AGPAT5: variants seen among roughly 807,000 people sequenced by gnomAD.
AGPAT5 encodes 1-acyl-sn-glycerol-3-phosphate acyltransferase epsilon.
In AGPAT5, 46 loss-of-function variants were observed where a neutral mutation model predicts 45.6. That is an observed-to-expected ratio of 1.01 (90% CI 0.80 to 1.29). The LOEUF is 1.29. Ranked by LOEUF, AGPAT5 falls within the 50% of genes most tolerant of loss-of-function variation. The pLI is 0.00. For missense variants in AGPAT5, 673 were observed against 450.7 expected, an observed-to-expected ratio of 1.49 and a Z score of -4.47; for synonymous variants, 272 against 167.0, an observed-to-expected ratio of 1.63 and a Z score of -4.85.
chr8:6,729,767 T>C (rs1800802541), intron 2 of AGPAT5, among the ~76,000 whole-genome samples: 1 of 152,244 alleles, frequency 6.6e-6, no homozygotes, highest in African/African-American at 2.4e-5. Context: ...CTAGGAAGTT[T>C]TTTATTGCTA....
intron 4 of AGPAT5, among the ~76,000 whole-genome samples, chr8:6,735,544 C>T (rs981068233): frequency 6.6e-5 from 10 of 152,184 alleles, no homozygotes; most frequent in Admixed American, 1.3e-4. Flanking sequence ...GTTACATTGG[C>T]CCCCAACTAA....
chr8:6,735,887 G>A (rs1407921330), intron 4 of AGPAT5, among the ~76,000 whole-genome samples: 1 of 126,614 alleles, frequency 7.9e-6, no homozygotes, highest in African/African-American at 3.1e-5. Flanking sequence ...TGGAGTCTCG[G>A]TCTGTCACCC....
At chr8:6,710,521 C>G (rs186761438) in intron 1 of AGPAT5, among the ~76,000 whole-genome samples, 1 of 152,274 alleles carries the variant, frequency 6.6e-6, no homozygotes, top group East Asian at 1.9e-4. Context: ...TGATTGCCCA[C>G]TGATCATCAA....
chr8:6,724,024 T>C (rs1207255689), intron 1 of AGPAT5, among the ~76,000 whole-genome samples: 1 of 152,218 alleles, frequency 6.6e-6, no homozygotes, highest in Non-Finnish European at 1.5e-5. Flanking sequence ...CTTTTAAGTC[T>C]TTACAAGTAT....
At chr8:6,712,116 T>A (rs2116845851) in intron 1 of AGPAT5, among the ~76,000 whole-genome samples, 1 of 152,314 alleles carries the variant, frequency 6.6e-6, no homozygotes, top group South Asian at 2.1e-4. Context: ...CCTTATTTCT[T>A]TAGGTATTTA....
At chr8:6,714,738 A>G (rs539895145) in intron 1 of AGPAT5, among the ~76,000 whole-genome samples, 1 of 152,338 alleles carries the variant, frequency 6.6e-6, no homozygotes, top group East Asian at 1.9e-4. Flanking sequence ...TAGTTAAATG[A>G]ACTTCTTACA....
intron 2 of AGPAT5, among the ~76,000 whole-genome samples, chr8:6,728,159 C>G (rs1026250568): frequency 6.6e-6 from 1 of 152,218 alleles, no homozygotes; most frequent in African/African-American, 2.4e-5. Flanking sequence ...CTGCCTTCCA[C>G]TCCTCTCCTC....
chr8:6,711,653 A>G (rs371711407), intron 1 of AGPAT5, among the ~76,000 whole-genome samples: 1 of 152,160 alleles, frequency 6.6e-6, no homozygotes, highest in African/African-American at 2.4e-5. Flanking sequence ...AAATAATAGA[A>G]CTTAAGTTCT....
chr8:6,724,316 G>A (rs542010278), intron 1 of AGPAT5, among the ~76,000 whole-genome samples: 4 of 152,040 alleles, frequency 2.6e-5, no homozygotes, highest in Admixed American at 2.0e-4. Context: ...GCTTCCATTC[G>A]TTCTTATTCT....
In AGPAT5 at chr8:6,736,165, T is replaced by G. The variant is rs187220529; in HGVS notation, c.495+3515T>G. ...CCACGCCCAGCCTTCTTCATCTAGC[T>G]TTAACATCTAATGTTGACATCTTAC... is the stretch of plus-strand genomic sequence containing the variant. On this transcript the variant is annotated intron_variant, in intron 4 of 7. Coordinates refer to ENST00000285518, the MANE Select transcript of AGPAT5 (RefSeq NM_018361.5). 4.8e-3 allele frequency among the ~76,000 whole-genome samples: 730 copies of G among 152,324 alleles called. 16 individuals are homozygous for G. The highest frequency in any genetic ancestry group is 4.7e-3 in the Non-Finnish European group (320 of 68,030).
At chr8:6,749,257 T>C (rs1316902453) in intron 6 of AGPAT5, among the ~76,000 whole-genome samples, 1 of 152,114 alleles carries the variant, frequency 6.6e-6, no homozygotes, top group Non-Finnish European at 1.5e-5. Flanking sequence ...CTGCAGAAAG[T>C]TAGGGAGGGA....
intron 2 of AGPAT5, 142 bp downstream of exon 2, chr8:6,725,081 T>C (rs765603964): frequency 4.3e-5 from 14 of 323,094 alleles, no homozygotes; most frequent in Non-Finnish European, 7.0e-5. Context: ...CTTGTATTTT[T>C]GTGATTTTAC....
chr8:6,721,152 A>G (rs1261764893), intron 1 of AGPAT5, among the ~76,000 whole-genome samples: 3 of 152,244 alleles, frequency 2.0e-5, no homozygotes, highest in South Asian at 2.1e-4. Flanking sequence ...TTACTATTCA[A>G]TGAAACGTTT....
At chr8:6,752,543 G>T (rs1368500747) in intron 6 of AGPAT5, among the ~76,000 whole-genome samples, 1 of 151,218 alleles carries the variant, frequency 6.6e-6, no homozygotes, top group Non-Finnish European at 1.5e-5. Flanking sequence ...TTGGAATGTG[G>T]GTCCTGTGTG....
intron 5 of AGPAT5, among the ~76,000 whole-genome samples, chr8:6,743,059 A>G (rs1394025478): frequency 6.6e-6 from 1 of 152,072 alleles, no homozygotes; most frequent in Non-Finnish European, 1.5e-5. Context: ...TCTGCCCTCA[A>G]TTTGTTTTGG....
In AGPAT5 at chr8:6,728,121, A is replaced by T. The variant is rs565405172; in HGVS notation, c.290-2590A>T. On this transcript the variant is annotated intron_variant, in intron 2 of 7. Coordinates refer to ENST00000285518, the MANE Select transcript of AGPAT5 (RefSeq NM_018361.5). ...GAACTGCTGTTTCATGAGGATAGGGATGAGGAAATTAGACTTGCTGCCCCT... is the reference window on the plus strand; with the variant it reads ...GAACTGCTGTTTCATGAGGATAGGGTTGAGGAAATTAGACTTGCTGCCCCT... 2.6e-5 allele frequency among the ~76,000 whole-genome samples: 4 copies of T among 152,302 alleles called. No homozygotes were observed. The South Asian group carries it at 6.2e-4, about 24-fold the overall frequency.
chr8:6,709,055 T>C (rs1488890340), intron 1 of AGPAT5, 168 bp downstream of exon 1: 1 of 747,722 alleles, frequency 1.3e-6, no homozygotes, highest in Non-Finnish European at 2.3e-6. Context: ...CCTGCCGTTC[T>C]GCCGAGATCG....
At chr8:6,727,448 C>T (rs10108416) in intron 2 of AGPAT5, among the ~76,000 whole-genome samples, 3,240 of 152,026 alleles carry the variant, frequency 0.021, 116 homozygotes, top group African/African-American at 0.074. Context: ...ATGGTGCAAT[C>T]TCAGCTCACT....
At chr8:6,717,040 G>C (rs1161872926) in intron 1 of AGPAT5, among the ~76,000 whole-genome samples, 3 of 152,140 alleles carry the variant, frequency 2.0e-5, no homozygotes, top group African/African-American at 7.2e-5. Flanking sequence ...AGATGAAGGA[G>C]GAAGAAACAT....
Sources: allele counts gnomAD v4.1 joint callset (sites outside exome capture counted in the v4.1 genomes callset), GRCh38; gene constraint gnomAD v4.1.1; transcripts MANE v1.5; gene names NCBI Gene and HGNC (gene_info 2026-07-23, HGNC 2026-07-21).